The following WDR81 variants were observed in gnomAD, a reference collection of about 807,000 sequenced individuals.
WDR81 encodes the protein WD repeat domain 81, also known as WD repeat-containing protein 81.
In WDR81, 92 loss-of-function variants were observed where a neutral mutation model predicts 140.8. The ratio of observed to expected loss-of-function variants is 0.65; its 90% CI spans 0.55 to 0.78. WDR81 has a LOEUF of 0.78. Among genes scored for constraint, WDR81 ranks in the 30% least tolerant of loss-of-function variants. The pLI is 0.00. For missense variants in WDR81, 2,502 were observed against 2,636.4 expected (o/e 0.95, Z 1.12); for synonymous variants, 1,183 against 1,156.4 (o/e 1.02, Z -0.47).
In WDR81 at chr17:1,734,207, C is replaced by T. The variant is rs751977563; in HGVS notation, c.5170C>T (p.Pro1724Ser). The T allele has an allele frequency of 3.8e-6, 6 of 1,586,320 alleles. No individual in the cohort carries two copies. The African/African-American group carries it at 6.7e-5, about 18-fold the overall frequency. The change falls in exon 7 of 10, where the codon CCC becomes TCC. Residue 1724 changes from proline (P) to serine (S), a missense_variant. Physicochemically the swap from Pro to Ser is moderately conservative, Grantham distance 74. Transcript: ENST00000409644. ...SCDGAVHVWD[P>S]FTGKTLRTVE... is the part of the protein sequence containing the mutation. ...TGACGGGGCTGTGCACGTCTGGGACCCCTTCACAGGTGAGCGGGCCCAGGT... is the reference window on the plus strand; with the variant it reads ...TGACGGGGCTGTGCACGTCTGGGACTCCTTCACAGGTGAGCGGGCCCAGGT...
chr17:1,736,968 A>G (rs1393586735), intron 9 of WDR81, among the ~76,000 whole-genome samples: 2 of 152,226 alleles, frequency 1.3e-5, no homozygotes, highest in African/African-American at 4.8e-5. Context: ...CTCTGGGGTC[A>G]GCCTGGGTGT....
Position 1,725,535 on chromosome 17 carries a change from G to A in WDR81, c.576G>A (p.Val192=). The change falls in exon 1 of 10, where the codon GTG becomes GTA. Residue 192 remains valine, a synonymous_variant. Coordinates refer to ENST00000409644, the MANE Select transcript of WDR81 (RefSeq NM_001163809.2). Reference sequence around the variant, plus strand: ...TCTATGGTTGCTCCTTCCTGCCAGTGGGTGAAACTACCCAATGCCCTTCAT... The same window carrying A: ...TCTATGGTTGCTCCTTCCTGCCAGTAGGTGAAACTACCCAATGCCCTTCAT... ...QRVYGCSFLP[V]GETTQCPSYA... The A allele has an allele frequency of 6.5e-7, 1 of 1,545,356 alleles. No homozygotes were observed. The highest frequency in any genetic ancestry group is 8.7e-7 in the Non-Finnish European group (1 of 1,146,960).
Position 1,727,028 on chromosome 17 carries a change from T to C in WDR81, c.2069T>C (p.Leu690Pro). The C allele has an allele frequency of 6.5e-7, 1 of 1,550,348 alleles. No homozygotes were observed. Among genetic ancestry groups the C allele is most frequent in the Non-Finnish European group, 8.7e-7 (1 of 1,146,958 alleles). The change falls in exon 1 of 10, where the codon CTC becomes CCC. Residue 690 changes from leucine to proline, a missense_variant. This residue lies in a region of WDR81 where 1,737 missense variants were observed against 1,843.0 expected (regional missense o/e 0.94). Coordinates refer to ENST00000409644, the MANE Select transcript of WDR81 (RefSeq NM_001163809.2). ...GSSSQASPGL[L>P]SFSVASASRP... ...TCCAGTCAAGCGTCCCCTGGACTTC[T>C]CTCTTTCTCAGTGGCCTCAGCCTCC... is the stretch of plus-strand genomic sequence containing the variant.
At chr17:1,718,627 G>A (rs548531523) in intron 1 of WDR81, among the ~76,000 whole-genome samples, 4 of 152,200 alleles carry the variant, frequency 2.6e-5, no homozygotes, top group Admixed American at 1.3e-4. Context: ...ATTTTGCCTC[G>A]ATCCTGAGTT....
In WDR81 at chr17:1,736,064, T is replaced by C. The variant is rs756127869; in HGVS notation, c.5351T>C (p.Leu1784Pro). ...LQHEFRLGGGLNPGLVRALAI... is the reference protein window; with the variant it reads ...LQHEFRLGGGPNPGLVRALAI... ...CACGAGTTCCGACTGGGCGGTGGGC[T>C]GAACCCTGGGCTTGTCCGTGCCCTG... Residue 1784 changes from leucine (L) to proline (P), a missense_variant, in exon 9 of 10, where the codon CTG (leucine) becomes CCG (proline). By Grantham distance (98) the Leu-to-Pro change is moderately conservative (BLOSUM62 -3). Around this residue, in one of 3 missense-constraint regions of WDR81, gnomAD observed 1,737 missense variants for 1,843.0 expected, o/e 0.94. Coordinates refer to ENST00000409644, the MANE Select transcript of WDR81 (RefSeq NM_001163809.2). The C allele has an allele frequency of 4.7e-5, 76 of 1,600,292 alleles. No individual in the cohort carries two copies. Among genetic ancestry groups the C allele is most frequent in the African/African-American group, 6.7e-5 (5 of 74,900 alleles).
intron 2 of WDR81, 65 bp downstream of exon 2, chr17:1,730,552 C>T (rs537423220): frequency 2.2e-4 from 330 of 1,512,618 alleles, no homozygotes; most frequent in Non-Finnish European, 2.8e-4. Flanking sequence ...CTAGCTTCAG[C>T]GCTCTCCGGC....
chr17:1,734,181 G>C lies in WDR81; in HGVS notation c.5144G>C (p.Cys1715Ser), dbSNP rs1904648856. The C allele has an allele frequency of 2.5e-6, 4 of 1,596,214 alleles. No individual in the cohort carries two copies. The highest frequency in any genetic ancestry group is 3.3e-4 in the Middle Eastern group (2 of 6,050). ...QLEAPQHVVS[C>S]DGAVHVWDPF... ...GAGGCCCCGCAGCACGTGGTGAGCT[G>C]TGACGGGGCTGTGCACGTCTGGGAC... The change falls in exon 7 of 10, where the codon TGT becomes TCT. Residue 1715 changes from cysteine to serine, a missense_variant. Around this residue, in one of 3 missense-constraint regions of WDR81, gnomAD observed 1,737 missense variants for 1,843.0 expected, o/e 0.94. Transcript: ENST00000409644.
rs28439625 is a variant in WDR81 at position 1,726,837 on chromosome 17, G to A, written c.1878G>A (p.Pro626=). The A allele has an allele frequency of 8.7e-4, 1,349 of 1,550,060 alleles. 13 individuals are homozygous for A. In the African/African-American group the frequency reaches 0.016, roughly 19 times the overall value. ...GCCGGGAGGACTTCACGGAAAACCC[G>A]GGACAGCTTCCAAATGGAGTGGGCC... The part of the protein sequence containing the change: ...TTGREDFTEN[P]GQLPNGVGRP... The change falls in exon 1 of 10, where the codon CCG becomes CCA. Residue 626 remains proline (P), a synonymous_variant. Coordinates refer to ENST00000409644, the MANE Select transcript of WDR81 (RefSeq NM_001163809.2).
chr17:1,718,909 C>A (rs1206681972), intron 1 of WDR81, among the ~76,000 whole-genome samples: 4 of 152,160 alleles, frequency 2.6e-5, no homozygotes, highest in Non-Finnish European at 5.9e-5. Context: ...CACCTCAGCA[C>A]CCACTGGCAT....
rs988956590 is a variant in WDR81 at position 1,727,552 on chromosome 17, A to G, written c.2593A>G (p.Ser865Gly). The change falls in exon 1 of 10, where the codon AGC becomes GGC. Residue 865 changes from serine to glycine, a missense_variant. Physicochemically the swap from Ser to Gly is moderately conservative, Grantham distance 56. Coordinates refer to ENST00000409644, the MANE Select transcript of WDR81 (RefSeq NM_001163809.2). ...LPPPCPSQLL[S>G]PFSSVVPFPP... The stretch of plus-strand genomic sequence containing the variant: ...CCCACCCTGCCCAAGCCAGCTTCTC[A>G]GCCCCTTCAGCTCCGTGGTTCCCTT... 1 of 1,550,328 alleles carries G rather than the reference A, an allele frequency of 6.5e-7. No homozygotes were observed. The highest frequency in any genetic ancestry group is 1.4e-5 in the African/African-American group (1 of 73,044).
chr17:1,725,822 A>G lies in WDR81; in HGVS notation c.863A>G (p.His288Arg). ...GLACGALSLY[H>R]IAVDEKLCSE... ...GCGTGTGGGGCCCTGTCTTTGTATC[A>G]CATCGCAGTGGATGAGAAGCTTTGC... The change falls in exon 1 of 10, where the codon CAC (histidine) becomes CGC (arginine). Residue 288 changes from histidine (H) to arginine (R), a missense_variant. His to Arg is a conservative substitution (Grantham distance 29). This residue lies in a region of WDR81 where 547 missense variants were observed against 513.8 expected (regional missense o/e 1.06). Transcript: ENST00000409644. The G allele has an allele frequency of 6.4e-7, 1 of 1,550,670 alleles. No individual in the cohort carries two copies. Among genetic ancestry groups the G allele is most frequent in the Non-Finnish European group, 8.7e-7 (1 of 1,146,954 alleles).
rs1283396979 is a variant in WDR81 at position 1,726,312 on chromosome 17, T to C, written c.1353T>C (p.Tyr451=). 19 of 1,543,946 alleles carry C rather than the reference T, an allele frequency of 1.2e-5. No individual in the cohort carries two copies. The highest frequency in any genetic ancestry group is 1.6e-5 in the Non-Finnish European group (18 of 1,142,544). Residue 451 remains tyrosine, a synonymous_variant, in exon 1 of 10, where the codon TAT becomes TAC. Coordinates refer to ENST00000409644, the MANE Select transcript of WDR81 (RefSeq NM_001163809.2). ...ACGTGCTCTCCGACATCACGTACTATGTGTACAAGGCTCGGCGCACGCCTC... is the reference window on the plus strand; with the variant it reads ...ACGTGCTCTCCGACATCACGTACTACGTGTACAAGGCTCGGCGCACGCCTC... ...ISDVLSDITY[Y]VYKARRTPRS... is the part of the protein sequence containing the mutation.
At position 1,731,110 on chromosome 17, in the gene WDR81, C is replaced by T. The variant is rs765003430; in HGVS notation, c.4009C>T (p.Arg1337Cys). 14 of 1,612,912 alleles carry T rather than the reference C, an allele frequency of 8.7e-6. No individual in the cohort carries two copies. Among genetic ancestry groups the T allele is most frequent in the East Asian group, 6.7e-5 (3 of 44,872 alleles). The change falls in exon 4 of 10, where the codon CGT becomes TGT. Residue 1337 changes from arginine (R) to cysteine (C), a missense_variant. By Grantham distance (180) the Arg-to-Cys change is radical. Transcript: ENST00000409644. ...CTCAGGCCCCAGCCGACTGAACAGC[C>T]GTAAGGAGGCGGGGCTGCTGGCCGC... is the stretch of plus-strand genomic sequence containing the variant. ...SASGPSRLNS[R>C]KEAGLLAAVT...
In WDR81 at chr17:1,726,259, C is replaced by A; in HGVS notation, c.1300C>A (p.Pro434Thr). Reference sequence around the variant, plus strand: ...AGCAGGCGGGGCGGGCGGCGGGGAACCCCCTCATGTTCCCCACCACATCTC... The same window carrying A: ...AGCAGGCGGGGCGGGCGGCGGGGAAACCCCTCATGTTCCCCACCACATCTC... ...FVAGGAGGGE[P>T]PHVPHHISDV... The change falls in exon 1 of 10, where the codon CCC becomes ACC. Residue 434 changes from proline to threonine, a missense_variant. Physicochemically the swap from Pro to Thr is conservative, Grantham distance 38 (BLOSUM62 -1). Coordinates refer to ENST00000409644, the MANE Select transcript of WDR81 (RefSeq NM_001163809.2). 6.5e-7 allele frequency: 1 copy of A among 1,533,564 alleles called. No homozygotes were observed. The highest frequency in any genetic ancestry group is 8.8e-7 in the Non-Finnish European group (1 of 1,137,408). The allele number at this position is 1,533,564 out of a possible 1,614,324, so 95.0% of individuals were successfully genotyped here.
Position 1,733,980 on chromosome 17 carries a change from C to T in WDR81, c.4943C>T (p.Ser1648Leu), listed in dbSNP as rs781192587. ...CGCCTGCAGAGCTTCCCGGGCCACT[C>T]GGGGGCCGTCAAGTGCGTGGCACCC... The part of the protein sequence containing the change: ...QIRLQSFPGH[S>L]GAVKCVAPLS... Residue 1648 changes from serine (S) to leucine (L), a missense_variant, in exon 7 of 10, where the codon TCG becomes TTG. By Grantham distance (145) the Ser-to-Leu change is moderately radical. Transcript: ENST00000409644. The T allele has an allele frequency of 2.4e-5, 39 of 1,612,662 alleles. No homozygotes were observed. Among genetic ancestry groups the T allele is most frequent in the Non-Finnish European group, 2.8e-5 (33 of 1,179,980 alleles).
chr17:1,732,787 T>C lies in WDR81; in HGVS notation c.4445T>C (p.Leu1482Pro), dbSNP rs114547122. ...GACGAGCTGCAGAAGGTGTTCACCC[T>C]GGAGATGGCATACACAATCTACGTG... Reference protein sequence around the residue: ...LLDELQKVFTLEMAYTIYVPF... With the variant: ...LLDELQKVFTPEMAYTIYVPF... The change falls in exon 6 of 10, where the codon CTG becomes CCG. Residue 1482 changes from leucine to proline, a missense_variant. By Grantham distance (98) the Leu-to-Pro change is moderately conservative (BLOSUM62 -3). This residue lies in a region of WDR81 where 1,737 missense variants were observed against 1,843.0 expected (regional missense o/e 0.94). Transcript: ENST00000409644. 3.7e-5 allele frequency: 59 copies of C among 1,613,072 alleles called. No individual in the cohort carries two copies. The African/African-American group carries it at 7.6e-4, about 21-fold the overall frequency.
chr17:1,726,406 A>G lies in WDR81; in HGVS notation c.1447A>G (p.Met483Val), dbSNP rs1401175487. Residue 483 changes from methionine (M) to valine (V), a missense_variant, in exon 1 of 10, where the codon ATG (methionine) becomes GTG (valine). Around this residue, in one of 3 missense-constraint regions of WDR81, gnomAD observed 218 missense variants for 279.6 expected, o/e 0.78. Transcript: ENST00000409644. ...TGAGTATCCGGCCAGCATGGAGCGGATGCAGAACTGGACCCCGGATGAGTG... is the reference window on the plus strand; with the variant it reads ...TGAGTATCCGGCCAGCATGGAGCGGGTGCAGAACTGGACCCCGGATGAGTG... ...PHEYPASMER[M>V]QNWTPDECIP... 1 of 1,550,300 alleles carries G rather than the reference A, an allele frequency of 6.5e-7. No individual in the cohort carries two copies. The highest frequency in any genetic ancestry group is 1.2e-5 in the South Asian group (1 of 84,048).
rs542042190 is a variant in WDR81, at chr17:1,737,599, G to A, written c.5740G>A (p.Gly1914Ser). 3.3e-5 allele frequency: 53 copies of A among 1,612,628 alleles called. No individual in the cohort carries two copies. The South Asian group carries it at 3.6e-4, about 11-fold the overall frequency. The change falls in exon 10 of 10, where the codon GGC (glycine) becomes AGC (serine). Residue 1914 changes from glycine to serine, a missense_variant. This residue lies in a region of WDR81 where 1,737 missense variants were observed against 1,843.0 expected (regional missense o/e 0.94). Transcript: ENST00000409644. Reference protein sequence around the residue: ...TTKLSSENFRGTLTSLALLPT... With the variant: ...TTKLSSENFRSTLTSLALLPT... ...GAAGCTCAGCTCTGAGAACTTCCGCGGCACGCTCACCAGCCTGGCCTTGCT... is the reference window on the plus strand; with the variant it reads ...GAAGCTCAGCTCTGAGAACTTCCGCAGCACGCTCACCAGCCTGGCCTTGCT...
At chr17:1,734,413 C>A (rs1374858554) in intron 7 of WDR81, among the ~76,000 whole-genome samples, 197 bp downstream of exon 7, 1 of 152,222 alleles carries the variant, frequency 6.6e-6, no homozygotes, top group Non-Finnish European at 1.5e-5. Context: ...TGCTGAGTGA[C>A]CTTGAGCAAG....
Sources: allele counts gnomAD v4.1 joint callset (sites outside exome capture counted in the v4.1 genomes callset), GRCh38; gene constraint gnomAD v4.1.1; regional missense constraint gnomAD v4.1.1; transcripts MANE v1.5; gene names NCBI Gene and HGNC (gene_info 2026-07-23, HGNC 2026-07-21).